Variants in PCDH15 observed in about 807,000 individuals in gnomAD.
PCDH15 encodes protocadherin-15.
PCDH15 carries 129 observed loss-of-function variants against 178.5 expected under a neutral mutation model. The observed-to-expected ratio is 0.72, with a 90% confidence interval of 0.63 to 0.84. The LOEUF (loss-of-function observed/expected upper bound fraction) is 0.84. PCDH15 is among the 40% of genes least tolerant of loss of function. The pLI is 0.00. For missense variants in PCDH15, 2,230 were observed against 2,099.9 expected (o/e 1.06, Z -1.21); for synonymous variants, 800 against 732.0 (o/e 1.09, Z -1.50).
rs1183950256 is a variant in PCDH15, at chr10:53,806,806, C to CATTCATTTTTTCAGTAGAA, written c.4977_4995dup (p.Ala1666PhefsTer3). 2 of 1,613,798 alleles carry CATTCATTTTTTCAGTAGAA rather than the reference C, an allele frequency of 1.2e-6. No homozygotes were observed. Among genetic ancestry groups the CATTCATTTTTTCAGTAGAA allele is most frequent in the Non-Finnish European group, 8.5e-7 (1 of 1,179,816 alleles). On this transcript the variant is annotated stop_gained and frameshift_variant, in exon 38 of 38. Transcript: ENST00000644397. LOFTEE classifies it high-confidence loss of function. The stretch of plus-strand genomic sequence containing the variant: ...GCAAATGTAACCAGAGTTGGTCTTG[C>CATTCATTTTTTCAGTAGAA]ATTCATTTTTTCAGTAGAAAATGGC...
chr10:55,147,633 T>C (rs1838561200), intron 2 of PCDH15, among the ~76,000 whole-genome samples: 2 of 129,770 alleles, frequency 1.5e-5, no homozygotes, highest in East Asian at 2.1e-4. Context: ...TCTCCTTTTC[T>C]CCCTATCTTT....
chr10:55,309,964 T>C (rs1051496559), intron 1 of PCDH15, among the ~76,000 whole-genome samples: 6 of 152,154 alleles, frequency 3.9e-5, no homozygotes, highest in African/African-American at 1.4e-4. Flanking sequence ...TCCATTTTTT[T>C]CCCTTTCCTA....
chr10:55,387,370 T>A (rs1347023472), intron 2 of PCDH15, among the ~76,000 whole-genome samples: 1 of 152,082 alleles, frequency 6.6e-6, no homozygotes, highest in East Asian at 1.9e-4. Flanking sequence ...ACCATGTCAC[T>A]TTTTATATTA....
upstream of PCDH15, among the ~76,000 whole-genome samples, chr10:54,804,938 T>TATATATATATATATATATAC (rs1328208893): frequency 2.9e-4 from 37 of 126,412 alleles, 1 homozygote; most frequent in South Asian, 1.9e-3. Context: ...TATATATATA[T>TATATATATATATATATATAC]ATATATATAT....
intron 2 of PCDH15, among the ~76,000 whole-genome samples, chr10:54,590,482 T>G (rs1482599506): frequency 3.9e-5 from 6 of 152,144 alleles, no homozygotes; most frequent in Non-Finnish European, 7.3e-5. Context: ...AATACAGAGG[T>G]TTACACATAT....
At chr10:54,474,480 T>C (rs1044196106) in intron 3 of PCDH15, among the ~76,000 whole-genome samples, 15 of 151,940 alleles carry the variant, frequency 9.9e-5, no homozygotes, top group Admixed American at 9.9e-4. Flanking sequence ...TTTATCTCAG[T>C]AGTTCATATG....
At chr10:54,234,353 AC>A (rs2054402306) in intron 9 of PCDH15, among the ~76,000 whole-genome samples, 2 of 152,162 alleles carry the variant, frequency 1.3e-5, no homozygotes, top group Admixed American at 1.3e-4. Flanking sequence ...AATTCTCACA[AC>A]CCTTTTGTAC....
At chr10:54,025,406 C>A (rs189871968) in intron 18 of PCDH15, among the ~76,000 whole-genome samples, 67 of 152,130 alleles carry the variant, frequency 4.4e-4, no homozygotes, top group African/African-American at 1.4e-3. Context: ...GTTTGTAGAA[C>A]TGAGATCCCC....
intron 21 of PCDH15, among the ~76,000 whole-genome samples, chr10:53,976,690 G>A (rs950829148): frequency 1.6e-5 from 2 of 124,172 alleles, no homozygotes; most frequent in African/African-American, 5.3e-5. Flanking sequence ...CTCCATTCGA[G>A]TAGATTTTTT....
chr10:54,325,773 T>C (rs1199830782), intron 7 of PCDH15, among the ~76,000 whole-genome samples: 1 of 151,642 alleles, frequency 6.6e-6, no homozygotes, highest in Non-Finnish European at 1.5e-5. Context: ...AATCCAGGTG[T>C]GGTGGTACGT....
intron 31 of PCDH15, among the ~76,000 whole-genome samples, chr10:53,828,337 A>T (rs558519718): frequency 6.6e-6 from 1 of 152,082 alleles, no homozygotes; most frequent in Non-Finnish European, 1.5e-5. Context: ...CCAAGATGTT[A>T]CAGGATGGAA....
chr10:54,293,954 A>C (rs528540288), intron 8 of PCDH15, among the ~76,000 whole-genome samples: 18 of 152,298 alleles, frequency 1.2e-4, no homozygotes, highest in Admixed American at 6.5e-5. Flanking sequence ...TTGACCCAGC[A>C]ATCCCATTAC....
At chr10:55,179,921 A>C (rs1839595593) in intron 1 of PCDH15, among the ~76,000 whole-genome samples, 1 of 152,084 alleles carries the variant, frequency 6.6e-6, no homozygotes, top group Non-Finnish European at 1.5e-5. Context: ...AGAATCTCTC[A>C]GAAATTCAAA....
intron 32 of PCDH15, chr10:53,822,487 G>A: frequency 6.2e-7 from 1 of 1,609,154 alleles, no homozygotes; most frequent in South Asian, 1.1e-5. Flanking sequence ...GGAGGGGGAA[G>A]GGGACAGGCA....
intron 14 of PCDH15, among the ~76,000 whole-genome samples, chr10:54,151,627 A>G (rs2044545461): frequency 6.6e-6 from 1 of 152,178 alleles, no homozygotes; most frequent in Admixed American, 6.6e-5. Context: ...TACAGAACTT[A>G]CATAAAAAGA....
intron 2 of PCDH15, among the ~76,000 whole-genome samples, chr10:55,396,444 T>C (rs758878645): frequency 7.9e-5 from 12 of 152,302 alleles, no homozygotes; most frequent in Admixed American, 5.2e-4. Context: ...ATAGTGATAG[T>C]TTGTCCTTAA....
At chr10:55,201,971 G>T (rs540958678) in intron 1 of PCDH15, among the ~76,000 whole-genome samples, 6 of 151,922 alleles carry the variant, frequency 3.9e-5, no homozygotes, top group Non-Finnish European at 8.8e-5. Context: ...GAAAATTCTG[G>T]GATAAACTGC....
At chr10:54,682,461 T>C (rs1270643808) in intron 1 of PCDH15, among the ~76,000 whole-genome samples, 1 of 152,198 alleles carries the variant, frequency 6.6e-6, no homozygotes, top group Non-Finnish European at 1.5e-5. Context: ...AAGCCACTAG[T>C]AATTCAGAAA....
intron 2 of PCDH15, among the ~76,000 whole-genome samples, chr10:54,631,075 G>A (rs1411808039): frequency 6.6e-6 from 1 of 152,156 alleles, no homozygotes; most frequent in African/African-American, 2.4e-5. Flanking sequence ...CCCCGATGTT[G>A]GAGGTGGGAC....
Sources: gnomAD v4.1 joint callset for allele counts (sites outside exome capture counted in the v4.1 genomes callset) on GRCh38, gnomAD v4.1.1 for gene constraint, MANE v1.5 for transcripts, NCBI Gene and HGNC (gene_info 2026-07-23, HGNC 2026-07-21) for gene names.